Variants in ZDBF2 observed in about 807,000 individuals in gnomAD.
The protein encoded by ZDBF2 is zinc finger DBF-type containing 2, also known as DBF4-type zinc finger-containing protein 2.
A neutral mutation model predicts 9.4 loss-of-function variants in ZDBF2; 6 were observed. That is an observed-to-expected ratio of 0.64 (90% CI 0.35 to 1.27). ZDBF2 has a LOEUF of 1.27. Ranked by LOEUF, ZDBF2 falls within the 50% of genes most tolerant of loss-of-function variation. ZDBF2 has a pLI of 0.03. For synonymous variants in ZDBF2, 905 were observed against 946.3 expected, an observed-to-expected ratio of 0.96 and a Z score of 0.80; for missense variants, 2,697 against 2,766.8, an observed-to-expected ratio of 0.97 and a Z score of 0.57.
At chr2:206,297,450 T>C (rs1692250289) in intron 4 of ZDBF2, 77 bp downstream of exon 4, 5 of 1,278,402 alleles carry the variant, frequency 3.9e-6, no homozygotes, top group Non-Finnish European at 5.3e-6. Context: ...TCCCAATCAA[T>C]ACTTTAAGTG....
rs1238679946 is a variant in ZDBF2, at chr2:206,305,792, A to G, written c.1264A>G (p.Lys422Glu). 1.9e-6 allele frequency: 3 copies of G among 1,613,764 alleles called. No individual in the cohort carries two copies. The highest frequency in any genetic ancestry group is 3.3e-5 in the Admixed American group (2 of 60,014). The change falls in exon 5 of 5, where the codon AAA becomes GAA. Residue 422 changes from lysine (K) to glutamate (E), a missense_variant. Transcript: ENST00000374423. Reference protein sequence around the residue: ...SSFHSLTDQSKVSAKEVNLSK... With the variant: ...SSFHSLTDQSEVSAKEVNLSK... ...TTTTCATTCACTGACTGACCAATCT[A>G]AAGTGAGTGCCAAAGAAGTAAACCT...
chr2:206,287,588 C>T (rs1228580924), intron 3 of ZDBF2, among the ~76,000 whole-genome samples: 1 of 152,168 alleles, frequency 6.6e-6, no homozygotes, highest in African/African-American at 2.4e-5. Context: ...TTGAGGTTCT[C>T]ATATCTGGAT....
intron 2 of ZDBF2, among the ~76,000 whole-genome samples, chr2:206,281,091 T>C (rs1227679590): frequency 2.6e-5 from 4 of 152,184 alleles, no homozygotes; most frequent in Non-Finnish European, 4.4e-5. Context: ...AAATTTTGGG[T>C]ATTCAGCCTG....
chr2:206,308,959 C>T lies in ZDBF2; in HGVS notation c.4431C>T (p.Asp1477=), dbSNP rs920272351. The T allele has an allele frequency of 6.2e-7, 1 of 1,613,394 alleles. No individual in the cohort carries two copies. The highest frequency in any genetic ancestry group is 1.3e-5 in the African/African-American group (1 of 74,908). ...CTCAAGTGTCTTACAAAGAGGCAGA[C>T]CTTCAGAAGGAAGAGCATGTTGTCA... ...DQPQVSYKEA[D]LQKEEHVVME... The change falls in exon 5 of 5, where the codon GAC becomes GAT. Residue 1477 remains aspartate, a synonymous_variant. Transcript: ENST00000374423.
intron 3 of ZDBF2, among the ~76,000 whole-genome samples, chr2:206,291,502 G>A (rs964657393): frequency 2.6e-5 from 4 of 152,084 alleles, no homozygotes; most frequent in South Asian, 2.1e-4. Flanking sequence ...GGGAGACGGC[G>A]ATTTCTCTTC....
At chr2:206,278,799 A>G (rs1181988502) in intron 1 of ZDBF2, among the ~76,000 whole-genome samples, 2 of 152,220 alleles carry the variant, frequency 1.3e-5, no homozygotes. Flanking sequence ...CGTTGAACTC[A>G]TTAGCATTTA....
At chr2:206,292,946 A>T (rs557830927) in intron 3 of ZDBF2, among the ~76,000 whole-genome samples, 1 of 150,960 alleles carries the variant, frequency 6.6e-6, no homozygotes, top group Admixed American at 6.6e-5. Context: ...TCAGAGAAGT[A>T]TTTTTTTTTA....
chr2:206,302,774 A>C (rs1692569610), intron 4 of ZDBF2, among the ~76,000 whole-genome samples: 1 of 152,140 alleles, frequency 6.6e-6, no homozygotes, highest in African/African-American at 2.4e-5. Flanking sequence ...TAAGGTAATA[A>C]ATTTATATGG....
intron 1 of ZDBF2, among the ~76,000 whole-genome samples, chr2:206,279,074 C>A (rs1691174791): frequency 6.6e-6 from 1 of 152,144 alleles, no homozygotes; most frequent in Non-Finnish European, 1.5e-5. Context: ...TTGCCTACAA[C>A]AATGCGGAGG....
In ZDBF2 at chr2:206,309,256, CTT is replaced by C; in HGVS notation, c.4733_4734del (p.Phe1578TrpfsTer3). On this transcript the variant is annotated frameshift_variant, in exon 5 of 5. Transcript: ENST00000374423. LOFTEE classifies it low-confidence loss of function (END_TRUNC). ...TTGATATAGAAGATAAGAGCTGTGA[CTT>C]TTTTGGTTCTGAAGTCAGATGTAAT... ...CIDIEDKSCD[F>X]FGSEVRCNCK... The C allele has an allele frequency of 6.2e-7, 1 of 1,609,750 alleles. No individual in the cohort carries two copies.
Position 206,308,662 on chromosome 2 carries a change from A to G in ZDBF2, c.4134A>G (p.Ala1378=), listed in dbSNP as rs755814895. ...SDSNDSFQAA[A]DELQKPVKEI... ...CCAATGACTCTTTTCAGGCAGCAGC[A>G]GATGAGCTTCAAAAACCTGTCAAAG... The change falls in exon 5 of 5, where the codon GCA becomes GCG. Residue 1378 remains alanine (A), a synonymous_variant. Coordinates refer to ENST00000374423, the MANE Select transcript of ZDBF2 (RefSeq NM_020923.3). 12 of 1,612,556 alleles carry G rather than the reference A, an allele frequency of 7.4e-6. No homozygotes were observed. The highest frequency in any genetic ancestry group is 1.7e-4 in the Middle Eastern group (1 of 6,060).
In ZDBF2 at chr2:206,307,133, G is replaced by C. The variant is rs762352411; in HGVS notation, c.2605G>C (p.Gly869Arg). The C allele has an allele frequency of 1.8e-5, 29 of 1,612,728 alleles. No individual in the cohort carries two copies. Among genetic ancestry groups the C allele is most frequent in the Admixed American group, 5.0e-5 (3 of 59,848 alleles). Residue 869 changes from glycine (G) to arginine (R), a missense_variant, in exon 5 of 5, where the codon GGT (glycine) becomes CGT (arginine). Physicochemically the swap from Gly to Arg is moderately radical, Grantham distance 125 (BLOSUM62 -2). This residue lies in a region of ZDBF2 where 1,783 missense variants were observed against 1,776.5 expected (regional missense o/e 1.00). Transcript: ENST00000374423. ...HLERKNDEPS[G>R]SEISSDSHAP... ...AGAAAGGAAGAATGATGAACCCAGT[G>C]GTTCTGAAATAAGTTCGGATTCCCA...
chr2:206,310,826 C>T lies in ZDBF2; in HGVS notation c.6298C>T (p.Gln2100Ter), dbSNP rs1693130347. 6.2e-7 allele frequency: 1 copy of T among 1,613,932 alleles called. No homozygotes were observed. Residue 2100 changes from glutamine (Q) to a stop codon, truncating the protein, a stop_gained, in exon 5 of 5, where the codon CAA becomes TAA. Transcript: ENST00000374423. LOFTEE classifies it low-confidence loss of function (END_TRUNC). Reference protein sequence around the residue: ...SSAGDNDADGQGSASAPLMAV... With the variant: ...SSAGDNDADG ...TGCAGGAGATAATGATGCTGATGGA[C>T]AAGGCTCTGCTTCAGCGCCTTTAAT...
intron 3 of ZDBF2, among the ~76,000 whole-genome samples, chr2:206,292,687 A>C (rs1461773719): frequency 1.3e-5 from 2 of 152,232 alleles, no homozygotes; most frequent in Non-Finnish European, 1.5e-5. Flanking sequence ...AGGTTGTTAC[A>C]CTAATGTAAA....
In ZDBF2 at chr2:206,306,451, G is replaced by C. The variant is rs185512298; in HGVS notation, c.1923G>C (p.Arg641Ser). The change falls in exon 5 of 5, where the codon AGG (arginine) becomes AGC (serine). Residue 641 changes from arginine to serine, a missense_variant. Arg to Ser is a moderately radical substitution (Grantham distance 110). Coordinates refer to ENST00000374423, the MANE Select transcript of ZDBF2 (RefSeq NM_020923.3). ...SLGTVADESQ[R>S]AVEKINLLKE... Reference sequence around the variant, plus strand: ...GGACAGTTGCAGATGAATCCCAGAGGGCTGTTGAAAAGATAAATCTTCTGA... The same window carrying C: ...GGACAGTTGCAGATGAATCCCAGAGCGCTGTTGAAAAGATAAATCTTCTGA... 1 of 1,613,762 alleles carries C rather than the reference G, an allele frequency of 6.2e-7. No individual in the cohort carries two copies. Among genetic ancestry groups the C allele is most frequent in the Admixed American group, 1.7e-5 (1 of 59,998 alleles).
rs747528482 is a variant in ZDBF2, at chr2:206,310,428, C to T, written c.5900C>T (p.Pro1967Leu). Residue 1967 changes from proline (P) to leucine (L), a missense_variant, in exon 5 of 5, where the codon CCA becomes CTA. By Grantham distance (98) the Pro-to-Leu change is moderately conservative (BLOSUM62 -3). Around this residue, in one of 3 missense-constraint regions of ZDBF2, gnomAD observed 1,783 missense variants for 1,776.5 expected, o/e 1.00. Transcript: ENST00000374423. ...KRKIIRQEED[P>L]PKSKCSRLQD... is the part of the protein sequence containing the mutation. ...AAAATAATTAGACAAGAGGAAGACC[C>T]ACCAAAAAGTAAGTGTTCACGTTTA... 4.3e-6 allele frequency: 7 copies of T among 1,613,714 alleles called. No individual in the cohort carries two copies. The East Asian group carries it at 1.6e-4, about 36-fold the overall frequency.
chr2:206,311,658 TG>T lies in ZDBF2; in HGVS notation c.*66del. Reference sequence around the variant, plus strand: ...TTCAGTTGAAATATATTTGGTACTTTGTGCACACAGCTTTCCCAGCTTTGGT... The same window carrying T: ...TTCAGTTGAAATATATTTGGTACTTTTGCACACAGCTTTCCCAGCTTTGGT... On this transcript the variant is annotated 3_prime_UTR_variant, in exon 5 of 5. Transcript: ENST00000374423. The T allele has an allele frequency of 7.4e-7, 1 of 1,351,074 alleles. No homozygotes were observed. Among genetic ancestry groups the T allele is most frequent in the East Asian group, 2.6e-5 (1 of 38,780 alleles). The allele number at this position is 1,351,074 out of a possible 1,614,324, so 83.7% of individuals were successfully genotyped here.
intron 1 of ZDBF2, among the ~76,000 whole-genome samples, chr2:206,279,338 T>C (rs956802673): frequency 3.9e-5 from 6 of 152,158 alleles, no homozygotes; most frequent in Admixed American, 2.0e-4. Context: ...GCCATCACAG[T>C]CACTGCGCCA....
Position 206,311,442 on chromosome 2 carries a change from GGAA to G in ZDBF2, c.6920_6922del (p.Lys2307del), listed in dbSNP as rs1306548021. On this transcript the variant is annotated inframe_deletion, in exon 5 of 5. Transcript: ENST00000374423. ...GCTTCTTGCCGCGTTGCAAGAAGGA[GGAA>G]GAAGACTGATGAAAGCTACCATGGC... is the stretch of plus-strand genomic sequence containing the variant. 3.1e-6 allele frequency: 5 copies of G among 1,612,366 alleles called. No homozygotes were observed. Among genetic ancestry groups the G allele is most frequent in the Admixed American group, 1.7e-5 (1 of 59,652 alleles).
Sources: allele counts gnomAD v4.1 joint callset (sites outside exome capture counted in the v4.1 genomes callset), GRCh38; gene constraint gnomAD v4.1.1; regional missense constraint gnomAD v4.1.1; transcripts MANE v1.5; gene names NCBI Gene and HGNC (gene_info 2026-07-23, HGNC 2026-07-21).